The following METTL2A variants were observed in gnomAD, a reference collection of about 807,000 sequenced individuals.
The protein encoded by METTL2A is tRNA N(3)-cytidine methyltransferase METTL2A.
A neutral mutation model predicts 49.4 loss-of-function variants in METTL2A; 45 were observed. The ratio of observed to expected loss-of-function variants is 0.91; its 90% CI spans 0.72 to 1.17. METTL2A has a LOEUF of 1.17. METTL2A is among the 50% of genes most tolerant of loss of function. The probability of loss-of-function intolerance (pLI) is 0.00; values close to 1 mark genes in which losing one functional copy is unlikely to be tolerated. For synonymous variants in METTL2A, 118 were observed against 167.5 expected (o/e 0.70, Z 2.28); for missense variants, 361 against 462.2 (o/e 0.78, Z 2.01).
intron 6 of METTL2A, among the ~76,000 whole-genome samples, 151 bp downstream of exon 6, chr17:62,440,907 A>G (rs1400096684): frequency 6.6e-6 from 1 of 152,112 alleles, no homozygotes; most frequent in Non-Finnish European, 1.5e-5. Context: ...TTGGGCTTAA[A>G]TGATCCTCCC....
chr17:62,440,675 A>G lies in METTL2A; in HGVS notation c.728A>G (p.Glu243Gly). The change falls in exon 6 of 9, where the codon GAA (glutamate) becomes GGA (glycine). Residue 243 changes from glutamate (E) to glycine (G), a missense_variant. Physicochemically the swap from Glu to Gly is moderately conservative, Grantham distance 98 (BLOSUM62 -2). This residue lies in a region of METTL2A where 183 missense variants were observed against 216.5 expected (regional missense o/e 0.85). Coordinates refer to ENST00000311506, the MANE Select transcript of METTL2A (RefSeq NM_181725.4). Reference sequence around the variant, plus strand: ...GCCTTTGTTCACGACCTGTGTGATGAAGAGAAGAGTTACCCAGTGCCCAAG... The same window carrying G: ...GCCTTTGTTCACGACCTGTGTGATGGAGAGAAGAGTTACCCAGTGCCCAAG... Reference protein sequence around the residue: ...CFAFVHDLCDEEKSYPVPKGS... With the variant: ...CFAFVHDLCDGEKSYPVPKGS... 1 of 1,614,150 alleles carries G rather than the reference A, an allele frequency of 6.2e-7. No homozygotes were observed. Among genetic ancestry groups the G allele is most frequent in the Admixed American group, 1.7e-5 (1 of 59,992 alleles).
intron 5 of METTL2A, among the ~76,000 whole-genome samples, 197 bp from the exon 6 acceptor site, chr17:62,440,420 C>T (rs1208082478): frequency 2.0e-5 from 3 of 152,080 alleles, no homozygotes; most frequent in Non-Finnish European, 4.4e-5. Context: ...GGCAAGTGAT[C>T]CTATCGCGTG....
Position 62,440,811 on chromosome 17 carries a change from A to C in METTL2A, c.809+55A>C, listed in dbSNP as rs369807455. The stretch of plus-strand genomic sequence containing the variant: ...CACAAAAAGGAAGCTTTGGTGAGGG[A>C]CCTTTTTTTTTAAAATAGGTTCTTG... On this transcript the variant is annotated intron_variant, in intron 6 of 8. Transcript: ENST00000311506. The C allele has an allele frequency of 7.6e-6, 12 of 1,577,682 alleles. No individual in the cohort carries two copies. In the Middle Eastern group the frequency reaches 5.1e-4, roughly 67 times the overall value.
Position 62,423,915 on chromosome 17 carries a change from TA to T in METTL2A, c.14del (p.Tyr5SerfsTer21). On this transcript the variant is annotated frameshift_variant, in exon 1 of 9. Coordinates refer to ENST00000311506, the MANE Select transcript of METTL2A (RefSeq NM_181725.4). LOFTEE classifies it high-confidence loss of function. MAGS[Y>X]PEGAPAVLAD... The stretch of plus-strand genomic sequence containing the variant: ...CGGCTCCGGTGTCATGGCCGGCTCC[TA>T]CCCTGAAGGTGCACCTGCAGTCCTC... 1.2e-6 allele frequency: 2 copies of T among 1,612,852 alleles called. No individual in the cohort carries two copies. The highest frequency in any genetic ancestry group is 1.7e-6 in the Non-Finnish European group (2 of 1,179,792).
At chr17:62,432,917 T>TA (rs1472383359) in intron 4 of METTL2A, among the ~76,000 whole-genome samples, 7 of 151,898 alleles carry the variant, frequency 4.6e-5, no homozygotes, top group African/African-American at 1.7e-4. Context: ...CACACCACTG[T>TA]ACTCCAGGTG....
chr17:62,426,312 C>G lies in METTL2A; in HGVS notation c.216C>G (p.Ile72Met). The G allele has an allele frequency of 6.2e-7, 1 of 1,600,860 alleles. No individual in the cohort carries two copies. Among genetic ancestry groups the G allele is most frequent in the South Asian group, 1.1e-5 (1 of 90,246 alleles). Residue 72 changes from isoleucine to methionine, a missense_variant, in exon 3 of 9, where the codon ATC (isoleucine) becomes ATG (methionine). By Grantham distance (10) the Ile-to-Met change is conservative. Around this residue, in one of 3 missense-constraint regions of METTL2A, gnomAD observed 150 missense variants for 170.1 expected, o/e 0.88. Coordinates refer to ENST00000311506, the MANE Select transcript of METTL2A (RefSeq NM_181725.4). ...AAATATTTACAGTTGATTATGAGAT[C>G]AATGCCCACAAATACTGGAATGACT... is the stretch of plus-strand genomic sequence containing the variant. Reference protein sequence around the residue: ...VCQEKQVDYEINAHKYWNDFY... With the variant: ...VCQEKQVDYEMNAHKYWNDFY...
intron 4 of METTL2A, among the ~76,000 whole-genome samples, chr17:62,431,823 C>T (rs1309973414): frequency 6.6e-6 from 1 of 151,848 alleles, no homozygotes; most frequent in Non-Finnish European, 1.5e-5. Flanking sequence ...CAGTTTCAAG[C>T]GATTCTCCTG....
rs1025418649 is a variant in METTL2A at position 62,449,971 on chromosome 17, G to A, written c.*1242G>A. 1 of 151,776 alleles carries A rather than the reference G, an allele frequency of 6.6e-6. No homozygotes were observed. The highest frequency in any genetic ancestry group is 2.4e-5 in the African/African-American group (1 of 41,098). 9.4% of individuals were successfully genotyped at this position (151,776 alleles called of 1,614,324 possible). A position where few individuals can be genotyped will look rare whatever the true frequency, so the allele number is the denominator to read the frequency against. ...TGGTGGCACACACCTGTAGTCCCCT[G>A]TAGTCCCAGCTACTCGGGAGGCTGA... On this transcript the variant is annotated 3_prime_UTR_variant, in exon 9 of 9. Coordinates refer to ENST00000311506, the MANE Select transcript of METTL2A (RefSeq NM_181725.4).
chr17:62,447,183 CCACGG>C, intron 7 of METTL2A, among the ~76,000 whole-genome samples: 1 of 152,226 alleles, frequency 6.6e-6, no homozygotes, highest in Middle Eastern at 3.4e-3. Context: ...CTTTGGGAGG[CCACGG>C]TGGGTGGATC....
chr17:62,433,471 G>A (rs549408436), intron 4 of METTL2A, among the ~76,000 whole-genome samples: 21 of 151,536 alleles, frequency 1.4e-4, no homozygotes, highest in Non-Finnish European at 2.7e-4. Context: ...CAGGCACGGT[G>A]GCTCATGCCT....
intron 7 of METTL2A, among the ~76,000 whole-genome samples, chr17:62,445,911 A>C (rs1229779997): frequency 6.6e-6 from 1 of 152,202 alleles, no homozygotes; most frequent in Non-Finnish European, 1.5e-5. Context: ...TTTTCAGTGC[A>C]TATAATAGAT....
chr17:62,427,487 A>T (rs1375614472), intron 3 of METTL2A, among the ~76,000 whole-genome samples: 1 of 152,246 alleles, frequency 6.6e-6, no homozygotes, highest in Non-Finnish European at 1.5e-5. Flanking sequence ...ATATAAGCTC[A>T]GTAAGAAAAT....
intron 3 of METTL2A, 66 bp downstream of exon 3, chr17:62,426,720 T>C (rs1020068180): frequency 1.9e-6 from 2 of 1,065,830 alleles, no homozygotes; most frequent in Non-Finnish European, 2.7e-6. Context: ...TGAGGTAGCA[T>C]AGAGAGGCTG....
At chr17:62,440,521 T>C in intron 5 of METTL2A, 96 bp from the exon 6 acceptor site, 1 of 1,473,164 alleles carries the variant, frequency 6.8e-7, no homozygotes, top group Non-Finnish European at 9.1e-7. Flanking sequence ...CTTTGTGAAG[T>C]AGCAACAGTT....
chr17:62,437,245 GA>G (rs1567735708), intron 5 of METTL2A, among the ~76,000 whole-genome samples: 1 of 150,816 alleles, frequency 6.6e-6, no homozygotes, highest in Non-Finnish European at 1.5e-5. Context: ...AGGCGAACCT[GA>G]TGAGATGATT....
rs3193604 is a variant in METTL2A, at chr17:62,444,882, C to T, written c.855C>T (p.Gly285=). The T allele has an allele frequency of 5.0e-6, 8 of 1,613,882 alleles. No individual in the cohort carries two copies. In the East Asian group the frequency reaches 6.7e-5, roughly 13 times the overall value. The change falls in exon 7 of 9, where the codon GGC becomes GGT. Residue 285 remains glycine, a synonymous_variant. Coordinates refer to ENST00000311506, the MANE Select transcript of METTL2A (RefSeq NM_181725.4). ...GGCTGAGCAGGCTTCTGAAACCTGG[C>T]GGGATGATGCTTCTGCGAGATTACG... is the stretch of plus-strand genomic sequence containing the variant. ...INRLSRLLKP[G]GMMLLRDYGR...
intron 4 of METTL2A, among the ~76,000 whole-genome samples, chr17:62,431,494 C>T (rs2070665094): frequency 6.6e-6 from 1 of 152,120 alleles, no homozygotes; most frequent in East Asian, 1.9e-4. Context: ...GCTGGGACAA[C>T]AGGCGTGTGC....
chr17:62,434,970 T>C (rs1035499869), intron 4 of METTL2A: 15 of 463,278 alleles, frequency 3.2e-5, no homozygotes, highest in Admixed American at 1.0e-4. Context: ...AGGATTTCTG[T>C]AGGTGGAAAA....
chr17:62,426,547 A>G lies in METTL2A; in HGVS notation c.451A>G (p.Lys151Glu). Reference protein sequence around the residue: ...HKCSSKSLEHKTQTLPVEENV... With the variant: ...HKCSSKSLEHETQTLPVEENV... ...GTGTTCTTCAAAGAGCCTTGAACAT[A>G]AAACACAGACACTTCCTGTGGAGGA... Residue 151 changes from lysine to glutamate, a missense_variant, in exon 3 of 9, where the codon AAA becomes GAA. This residue lies in a region of METTL2A where 28 missense variants were observed against 75.6 expected (regional missense o/e 0.37). Coordinates refer to ENST00000311506, the MANE Select transcript of METTL2A (RefSeq NM_181725.4). 2 of 1,367,044 alleles carry G rather than the reference A, an allele frequency of 1.5e-6. No homozygotes were observed. The highest frequency in any genetic ancestry group is 2.1e-6 in the Non-Finnish European group (2 of 973,110). 84.7% of individuals were successfully genotyped at this position (1,367,044 alleles called of 1,614,324 possible). A position where few individuals can be genotyped will look rare whatever the true frequency, so the allele number is the denominator to read the frequency against.
Sources: gnomAD v4.1 joint callset for allele counts (sites outside exome capture counted in the v4.1 genomes callset) on GRCh38, gnomAD v4.1.1 for gene constraint, gnomAD v4.1.1 regional missense constraint, MANE v1.5 for transcripts, NCBI Gene and HGNC (gene_info 2026-07-23, HGNC 2026-07-21) for gene names.